TEX29: variants seen among roughly 807,000 people sequenced by gnomAD.
The protein encoded by TEX29 is testis-expressed protein 29.
TEX29 carries 26 observed loss-of-function variants against 18.2 expected under a neutral mutation model. The observed-to-expected ratio is 1.43, with a 90% CI of 1.04 to 1.98. The LOEUF is 1.98. Among genes scored for constraint, TEX29 ranks in the 30% most tolerant of loss-of-function variants. TEX29 has a pLI of 0.00. For missense variants in TEX29, 177 were observed against 194.2 expected (o/e 0.91, Z 0.53); for synonymous variants, 83 against 78.5 (o/e 1.06, Z -0.31).
intron 2 of TEX29, 40 bp downstream of exon 2, chr13:111,320,988 GAGCAGT>G: frequency 2.3e-6 from 1 of 431,436 alleles, no homozygotes; most frequent in Non-Finnish European, 4.3e-6. Flanking sequence ...TGGGGTGGGG[GAGCAGT>G]TGGGGGGGGG....
Position 111,328,186 on chromosome 13 carries a change from G to A in TEX29, c.62G>A (p.Cys21Tyr). The A allele has an allele frequency of 6.2e-7, 1 of 1,608,900 alleles. No individual in the cohort carries two copies. The highest frequency in any genetic ancestry group is 1.3e-5 in the African/African-American group (1 of 74,874). ...GTGTATGTCTGTGCTTTTGCAGTGT[G>A]TGACGTTCCTCTGTATGACATTTGT... ...PRHLLKQFTV[C>Y]DVPLYDICDY... The change falls in exon 3 of 6, where the codon TGT becomes TAT. Residue 21 changes from cysteine to tyrosine, a missense_variant. Coordinates refer to ENST00000283547, the MANE Select transcript of TEX29 (RefSeq NM_152324.3).
At chr13:111,320,589 G>A (rs143989245), upstream of TEX29, 63 of 500,868 alleles carry the variant, frequency 1.3e-4, no homozygotes, top group African/African-American at 1.1e-3. Flanking sequence ...TCATGAGGCT[G>A]TGTGATGTCA....
chr13:111,324,990 G>C (rs1315016765), intron 2 of TEX29, among the ~76,000 whole-genome samples: 1 of 152,168 alleles, frequency 6.6e-6, no homozygotes, highest in East Asian at 1.9e-4. Flanking sequence ...CTGGGGAGCG[G>C]TGGCTTCCCT....
At chr13:111,342,264 A>G (rs2093697730) in intron 4 of TEX29, among the ~76,000 whole-genome samples, 1 of 152,200 alleles carries the variant, frequency 6.6e-6, no homozygotes, top group African/African-American at 2.4e-5. Flanking sequence ...GTGGTGCTGT[A>G]TGCTGTCTTA....
At chr13:111,338,889 T>C (rs1353251788) in intron 3 of TEX29, among the ~76,000 whole-genome samples, 1 of 152,176 alleles carries the variant, frequency 6.6e-6, no homozygotes, top group Admixed American at 6.5e-5. Context: ...ATGATGCTCG[T>C]GTACAAATGT....
intron 3 of TEX29, among the ~76,000 whole-genome samples, chr13:111,329,328 C>T (rs1178963606): frequency 6.6e-6 from 1 of 152,078 alleles, no homozygotes; most frequent in African/African-American, 2.4e-5. Context: ...CCAAACCCTC[C>T]CTGTCCTAAG....
intron 3 of TEX29, among the ~76,000 whole-genome samples, chr13:111,338,774 C>G (rs2093692994): frequency 6.6e-6 from 1 of 152,210 alleles, no homozygotes; most frequent in South Asian, 2.1e-4. Context: ...CACTTAAGAA[C>G]TTTACTTGCA....
At chr13:111,320,988 GAGCA>G in intron 2 of TEX29, 40 bp downstream of exon 2, 4 of 431,434 alleles carry the variant, frequency 9.3e-6, no homozygotes, top group Non-Finnish European at 1.7e-5. Flanking sequence ...TGGGGTGGGG[GAGCA>G]GTTGGGGGGG....
At position 111,328,286 on chromosome 13, in the gene TEX29, G is replaced by A. The variant is rs774287903; in HGVS notation, c.162G>A (p.Ala54=). ...ACGAAGGCGTCTGCTACAAGAAAGCGGTTCCCAGTGAGTAGACGCCCCGGC... is the reference window on the plus strand; with the variant it reads ...ACGAAGGCGTCTGCTACAAGAAAGCAGTTCCCAGTGAGTAGACGCCCCGGC... ...CFYEGVCYKK[A]VPIYIHVFSA... is the part of the protein sequence containing the mutation. The change falls in exon 3 of 6, where the codon GCG becomes GCA. Residue 54 remains alanine (A), a synonymous_variant. Transcript: ENST00000283547. 1.4e-5 allele frequency: 23 copies of A among 1,613,002 alleles called. No homozygotes were observed. Among genetic ancestry groups the A allele is most frequent in the South Asian group, 3.3e-5 (3 of 91,036 alleles).
intron 3 of TEX29, among the ~76,000 whole-genome samples, chr13:111,328,734 C>A (rs996287012): frequency 6.6e-6 from 1 of 152,134 alleles, no homozygotes; most frequent in African/African-American, 2.4e-5. Context: ...TGAGCTTGGC[C>A]CTGACTGGGG....
At chr13:111,321,006 A>ACCAGTGGGGGGGGGGGCG in intron 2 of TEX29, 58 bp downstream of exon 2, 1 of 880,962 alleles carries the variant, frequency 1.1e-6, no homozygotes. Flanking sequence ...GGGGGGGGGC[A>ACCAGTGGGGGGGGGGGCG]CAGGGAGGAG....
At chr13:111,334,696 T>C (rs2093687182) in intron 3 of TEX29, among the ~76,000 whole-genome samples, 2 of 152,252 alleles carry the variant, frequency 1.3e-5, no homozygotes, top group South Asian at 2.1e-4. Flanking sequence ...ACCAACACTT[T>C]AGCCAGTAAA....
chr13:111,320,692 G>T lies in TEX29; in HGVS notation c.-105G>T. 1.5e-6 allele frequency: 1 copy of T among 648,802 alleles called. No individual in the cohort carries two copies. The highest frequency in any genetic ancestry group is 2.8e-6 in the Non-Finnish European group (1 of 359,138). 40.2% of individuals were successfully genotyped at this position (648,802 alleles called of 1,614,324 possible). The stretch of plus-strand genomic sequence containing the variant: ...GCCAGTTTGTTGTTTTACCTAAAAG[G>T]TGTTTTCCACGTGGAGTGGGACTGA... On this transcript the variant is annotated 5_prime_UTR_variant, in exon 1 of 6. Coordinates refer to ENST00000283547, the MANE Select transcript of TEX29 (RefSeq NM_152324.3).
rs528703741 is a variant in TEX29, at chr13:111,329,051, C to T, written c.169+758C>T. ...CAGCATATTCTCGCCTGTGAGTGCA[C>T]TGGCCTGCGCCGCTGAGGTCTTCTC... On this transcript the variant is annotated intron_variant, in intron 3 of 5. Transcript: ENST00000283547. 8.1e-3 allele frequency among the ~76,000 whole-genome samples: 1,235 copies of T among 152,338 alleles called. 7 individuals carry two copies. The highest frequency in any genetic ancestry group is 0.014 in the Non-Finnish European group (973 of 68,042).
intron 2 of TEX29, among the ~76,000 whole-genome samples, chr13:111,327,819 T>C (rs2093676507): frequency 6.6e-6 from 1 of 152,236 alleles, no homozygotes; most frequent in African/African-American, 2.4e-5. Context: ...TCCTGTATGC[T>C]TAAGTGTGAA....
At chr13:111,329,111 T>C (rs1385403951) in intron 3 of TEX29, among the ~76,000 whole-genome samples, 1 of 152,144 alleles carries the variant, frequency 6.6e-6, no homozygotes, top group Non-Finnish European at 1.5e-5. Context: ...ACGTGAAGCT[T>C]CATGTGTTTC....
rs369623007 is a variant in TEX29 at position 111,333,731 on chromosome 13, A to G, written c.169+5438A>G. Reference sequence around the variant, plus strand: ...GCCTCAGGAAACTTACAATCATGCCAGAAGGCAAAGGTGAAGCAAGACATG... The same window carrying G: ...GCCTCAGGAAACTTACAATCATGCCGGAAGGCAAAGGTGAAGCAAGACATG... On this transcript the variant is annotated intron_variant, in intron 3 of 5. Coordinates refer to ENST00000283547, the MANE Select transcript of TEX29 (RefSeq NM_152324.3). Among the ~76,000 whole-genome samples, 21 of 151,840 alleles carry G rather than the reference A, an allele frequency of 1.4e-4. 1 individual carries two copies. The highest frequency in any genetic ancestry group is 6.2e-4 in the South Asian group (3 of 4,820).
chr13:111,342,557 CAAAAAA>C (rs34305274), intron 4 of TEX29, among the ~76,000 whole-genome samples, 193 bp from the exon 5 acceptor site: 1 of 75,320 alleles, frequency 1.3e-5, no homozygotes, highest in Non-Finnish European at 2.5e-5. Flanking sequence ...AAAACTGTCT[CAAAAAA>C]AAAAAAAAAA....
At chr13:111,341,845 A>T (rs1318118917) in intron 4 of TEX29, among the ~76,000 whole-genome samples, 1 of 152,248 alleles carries the variant, frequency 6.6e-6, no homozygotes, top group Non-Finnish European at 1.5e-5. Flanking sequence ...GCCACTGACG[A>T]TGTAAGTGAA....
Sources: allele counts gnomAD v4.1 joint callset (sites outside exome capture counted in the v4.1 genomes callset), GRCh38; gene constraint gnomAD v4.1.1; transcripts MANE v1.5; gene names NCBI Gene and HGNC (gene_info 2026-07-23, HGNC 2026-07-21).